ERBIN: variants seen among roughly 807,000 people sequenced by gnomAD.
ERBIN encodes the protein densin-180-like protein.
In ERBIN, 60 loss-of-function variants were observed where a neutral mutation model predicts 158.4. The ratio of observed to expected loss-of-function variants is 0.38; its 90% CI spans 0.31 to 0.47. The LOEUF (loss-of-function observed/expected upper bound fraction) is 0.47, where lower values mean the gene tolerates loss of function less well. Ranked by LOEUF, ERBIN falls within the 20% of genes least tolerant of loss-of-function variation. The pLI, the probability that ERBIN is intolerant of heterozygous loss-of-function variation, is 0.99. For missense variants in ERBIN, 1,610 were observed against 1,648.0 expected (o/e 0.98, Z 0.40); for synonymous variants, 594 against 557.2 (o/e 1.07, Z -0.93).
At chr5:65,977,172 G>A (rs1316647334) in intron 1 of ERBIN, among the ~76,000 whole-genome samples, 3 of 147,966 alleles carry the variant, frequency 2.0e-5, no homozygotes, top group Non-Finnish European at 3.0e-5. Flanking sequence ...CCTCCCGGAC[G>A]GGGCGGCTGG....
intron 4 of ERBIN, among the ~76,000 whole-genome samples, chr5:65,997,069 G>T (rs184993951): frequency 5.9e-5 from 9 of 152,192 alleles, no homozygotes; most frequent in African/African-American, 1.7e-4. Flanking sequence ...TCTGCAAATA[G>T]GGACACTTCA....
At position 66,053,891 on chromosome 5, in the gene ERBIN, C is replaced by T. The variant is rs749904670; in HGVS notation, c.2573C>T (p.Pro858Leu). Residue 858 changes from proline to leucine, a missense_variant, in exon 21 of 26, where the codon CCT becomes CTT. Physicochemically the swap from Pro to Leu is moderately conservative, Grantham distance 98. Coordinates refer to ENST00000284037, the MANE Select transcript of ERBIN (RefSeq NM_001253697.2). The part of the protein sequence containing the change: ...GISKSTEDLS[P>L]QKSGPVGSVV... ...TCCAAAAGCACTGAAGATCTCTCCC[C>T]TCAGAAAAGTGGTCCAGTTGGATCT... The T allele has an allele frequency of 6.2e-7, 1 of 1,614,102 alleles. No individual in the cohort carries two copies.
In ERBIN at chr5:65,977,436, C is replaced by T. The variant is rs533103105; in HGVS notation, c.-57-11199C>T. Among the ~76,000 whole-genome samples the T allele has an allele frequency of 6.6e-5, 10 of 151,706 alleles. No homozygotes were observed. The East Asian group carries it at 9.8e-4, about 15-fold the overall frequency. ...CCGGGCGGAGGGGCTCCTCACTTCT[C>T]GGACGGGGTGGTTGCCAGGCAGAGG... On this transcript the variant is annotated intron_variant, in intron 1 of 25. Coordinates refer to ENST00000284037, the MANE Select transcript of ERBIN (RefSeq NM_001253697.2).
At position 66,044,207 on chromosome 5, in the gene ERBIN, C is replaced by G; in HGVS notation, c.1499C>G (p.Thr500Ser). Residue 500 changes from threonine (T) to serine (S), a missense_variant, in exon 17 of 26, where the codon ACC (threonine) becomes AGC (serine). Transcript: ENST00000284037. The stretch of plus-strand genomic sequence containing the variant: ...AAGAATATGGTCAAAACTGTTCAAA[C>G]CATTGTACATAGATTAAAAGATGAA... ...ELKNMVKTVQ[T>S]IVHRLKDEET... The G allele has an allele frequency of 6.2e-7, 1 of 1,610,454 alleles. No homozygotes were observed. Among genetic ancestry groups the G allele is most frequent in the Non-Finnish European group, 8.5e-7 (1 of 1,178,566 alleles).
intron 25 of ERBIN, among the ~76,000 whole-genome samples, chr5:66,077,429 C>G (rs918364599): frequency 6.6e-6 from 1 of 151,864 alleles, no homozygotes; most frequent in Non-Finnish European, 1.5e-5. Flanking sequence ...TCTACCCCTA[C>G]TGTCACCGTT....
At chr5:66,007,506 C>A (rs1283051464) in intron 4 of ERBIN, among the ~76,000 whole-genome samples, 1 of 151,498 alleles carries the variant, frequency 6.6e-6, no homozygotes, top group Non-Finnish European at 1.5e-5. Context: ...TGTAACAAAC[C>A]TGCACGTTGT....
chr5:65,992,014 C>T (rs1236202833), intron 2 of ERBIN, among the ~76,000 whole-genome samples: 1 of 152,152 alleles, frequency 6.6e-6, no homozygotes, highest in African/African-American at 2.4e-5. Context: ...ATTCCCACTT[C>T]CTACTCAAAA....
At chr5:66,021,678 A>T (rs2151140184) in intron 8 of ERBIN, among the ~76,000 whole-genome samples, 1 of 152,226 alleles carries the variant, frequency 6.6e-6, no homozygotes, top group East Asian at 1.9e-4. Context: ...TAAGTGGGAA[A>T]CATCAGTCTG....
chr5:65,960,580 C>T (rs1204763695), intron 1 of ERBIN, among the ~76,000 whole-genome samples: 5 of 152,148 alleles, frequency 3.3e-5, no homozygotes, highest in Non-Finnish European at 5.9e-5. Flanking sequence ...TTCTCATGTG[C>T]CGCCAGAGTT....
At chr5:66,015,902 T>C (rs77441460) in intron 7 of ERBIN, among the ~76,000 whole-genome samples, 6,138 of 152,280 alleles carry the variant, frequency 0.04, 424 homozygotes, top group African/African-American at 0.14. Context: ...CCCCAGGAGT[T>C]GTTCTGTTTA....
At chr5:65,940,266 C>G (rs1225554801) in intron 1 of ERBIN, among the ~76,000 whole-genome samples, 24 of 150,834 alleles carry the variant, frequency 1.6e-4, no homozygotes, top group Admixed American at 4.6e-4. Context: ...AGGAGCGTCT[C>G]TGCCCAGCCG....
intron 1 of ERBIN, among the ~76,000 whole-genome samples, chr5:65,955,089 AAAC>A (rs957788126): frequency 5.9e-5 from 9 of 152,210 alleles, no homozygotes; most frequent in African/African-American, 2.2e-4. Flanking sequence ...AAGAAAAACA[AAAC>A]AAAAAGTGCA....
At chr5:65,996,740 T>C (rs552140534) in intron 4 of ERBIN, among the ~76,000 whole-genome samples, 1 of 152,192 alleles carries the variant, frequency 6.6e-6, no homozygotes, top group Non-Finnish European at 1.5e-5. Context: ...TTTAACAATA[T>C]TGATTTTGAA....
At chr5:66,077,263 T>C (rs1003363531) in intron 25 of ERBIN, among the ~76,000 whole-genome samples, 4 of 152,150 alleles carry the variant, frequency 2.6e-5, no homozygotes, top group Non-Finnish European at 2.9e-5. Flanking sequence ...ATGTGGGCTA[T>C]TGTCCTTTCA....
At chr5:66,072,148 T>G in intron 21 of ERBIN, 21 bp from the exon 22 acceptor site, 1 of 1,545,410 alleles carries the variant, frequency 6.5e-7, no homozygotes. Context: ...ATTTGTTTAC[T>G]TTTTATTTCC....
intron 1 of ERBIN, among the ~76,000 whole-genome samples, chr5:65,974,745 T>C (rs1749673506): frequency 6.6e-6 from 1 of 152,180 alleles, no homozygotes; most frequent in South Asian, 2.1e-4. Flanking sequence ...GAATTGAAAC[T>C]GGATGATCAC....
At chr5:65,937,021 G>C (rs1052062026) in intron 1 of ERBIN, among the ~76,000 whole-genome samples, 2 of 152,188 alleles carry the variant, frequency 1.3e-5, no homozygotes, top group Non-Finnish European at 2.9e-5. Context: ...AAGAACATAA[G>C]TTTTGGAGTC....
At chr5:66,031,943 G>A (rs971869547) in intron 14 of ERBIN, among the ~76,000 whole-genome samples, 2 of 152,060 alleles carry the variant, frequency 1.3e-5, no homozygotes, top group South Asian at 2.1e-4. Context: ...CCAGTCTCAA[G>A]TGATCTTCCC....
chr5:65,947,286 G>T (rs1379426745), intron 1 of ERBIN, among the ~76,000 whole-genome samples: 2 of 152,128 alleles, frequency 1.3e-5, no homozygotes, highest in African/African-American at 4.8e-5. Context: ...CTGGAGTGCA[G>T]TGGTGCCATC....
Sources: gnomAD v4.1 joint callset for allele counts (sites outside exome capture counted in the v4.1 genomes callset) on GRCh38, gnomAD v4.1.1 for gene constraint, MANE v1.5 for transcripts, NCBI Gene and HGNC (gene_info 2026-07-23, HGNC 2026-07-21) for gene names.